The following INPP5F variants were observed in gnomAD, a reference collection of about 807,000 sequenced individuals.
The protein encoded by INPP5F is inositol polyphosphate-5-phosphatase F.
A neutral mutation model predicts 137.2 loss-of-function variants in INPP5F; 97 were observed. The ratio of observed to expected loss-of-function variants is 0.71; its 90% confidence interval spans 0.60 to 0.84. The LOEUF is 0.84. INPP5F is among the 40% of genes least tolerant of loss of function. The pLI, the probability that INPP5F is intolerant of heterozygous loss-of-function variation, is 0.00. For missense variants in INPP5F, 1,271 were observed against 1,371.9 expected (o/e 0.93, Z 1.16); for synonymous variants, 504 against 476.9 (o/e 1.06, Z -0.74).
intron 1 of INPP5F, among the ~76,000 whole-genome samples, chr10:119,726,883 A>G (rs977233550): frequency 1.3e-5 from 2 of 152,240 alleles, no homozygotes; most frequent in Non-Finnish European, 2.9e-5. Flanking sequence ...GTTACCTCAT[A>G]GGCACTCGGT....
intron 1 of INPP5F, among the ~76,000 whole-genome samples, chr10:119,744,965 C>G (rs1848488291): frequency 6.6e-6 from 1 of 150,794 alleles, no homozygotes; most frequent in Admixed American, 6.7e-5. Context: ...AGTCATTAGA[C>G]CACAACACAG....
intron 3 of INPP5F, among the ~76,000 whole-genome samples, chr10:119,789,230 A>G (rs1326431622): frequency 6.6e-6 from 1 of 152,018 alleles, no homozygotes; most frequent in South Asian, 2.1e-4. Flanking sequence ...TGTCTCAAAA[A>G]AAAAAAAAAA....
intron 15 of INPP5F, chr10:119,819,536 GCA>G (rs1314608844): frequency 6.2e-7 from 1 of 1,601,110 alleles, no homozygotes; most frequent in Non-Finnish European, 8.5e-7. Flanking sequence ...TTTTCAGAGT[GCA>G]CGTAAGTATC....
chr10:119,819,109 G>T (rs1851427190), intron 15 of INPP5F: 1 of 155,644 alleles, frequency 6.4e-6, no homozygotes, highest in Non-Finnish European at 1.4e-5. Context: ...GCTTGCCCCA[G>T]TGGCGGGAAA....
At chr10:119,744,831 C>A (rs1848482734) in intron 1 of INPP5F, among the ~76,000 whole-genome samples, 1 of 152,182 alleles carries the variant, frequency 6.6e-6, no homozygotes, top group Admixed American at 6.5e-5. Context: ...CAGGCATGAG[C>A]CACTGAGCCT....
intron 2 of INPP5F, among the ~76,000 whole-genome samples, chr10:119,775,817 A>G (rs941551525): frequency 2.6e-5 from 4 of 152,192 alleles, no homozygotes; most frequent in East Asian, 3.8e-4. Flanking sequence ...AAAAAATCCT[A>G]TCGGCCAGTT....
intron 2 of INPP5F, among the ~76,000 whole-genome samples, chr10:119,780,644 G>A (rs2134177250): frequency 6.6e-6 from 1 of 152,308 alleles, no homozygotes; most frequent in East Asian, 1.9e-4. Context: ...TCGGCCCTGT[G>A]TATCCATTGA....
chr10:119,726,289 C>T lies in INPP5F; in HGVS notation c.27C>T (p.His9=), dbSNP rs1337074486. 6.7e-7 allele frequency: 1 copy of T among 1,493,304 alleles called. No homozygotes were observed. The highest frequency in any genetic ancestry group is 8.9e-7 in the Non-Finnish European group (1 of 1,121,168). The allele number at this position is 1,493,304 out of a possible 1,614,324, so 92.5% of individuals were successfully genotyped here. The part of the protein sequence containing the change: MELFQAKD[H]YILQQGERAL... Reference sequence around the variant, plus strand: ...TGGAGCTCTTCCAAGCCAAGGACCACTACATCCTGCAGCAGGGCGAGCGCG... The same window carrying T: ...TGGAGCTCTTCCAAGCCAAGGACCATTACATCCTGCAGCAGGGCGAGCGCG... Residue 9 remains histidine (H), a synonymous_variant, in exon 1 of 20, where the codon CAC becomes CAT. Transcript: ENST00000650623.
Position 119,826,010 on chromosome 10 carries a change from T to A in INPP5F, c.2250-621T>A, listed in dbSNP as rs1695487069. ...TAATTGTTAAATGTCCCAAATCTTT[T>A]AAAATCAGGTAACCCACAGGACATA... On this transcript the variant is annotated intron_variant, in intron 19 of 19. Coordinates refer to ENST00000650623, the MANE Select transcript of INPP5F (RefSeq NM_014937.4). 5 of 398,400 alleles carry A rather than the reference T, an allele frequency of 1.3e-5. No individual in the cohort carries two copies. In the South Asian group the frequency reaches 6.4e-4, roughly 51 times the overall value. 24.7% of individuals were successfully genotyped at this position (398,400 alleles called of 1,614,324 possible).
At position 119,743,230 on chromosome 10, in the gene INPP5F, A is replaced by T. The variant is rs924950866; in HGVS notation, c.98-7846A>T. 3.3e-5 allele frequency among the ~76,000 whole-genome samples: 5 copies of T among 152,144 alleles called. No individual in the cohort carries two copies. The East Asian group carries it at 9.6e-4, about 29-fold the overall frequency. On this transcript the variant is annotated intron_variant, in intron 1 of 19. Transcript: ENST00000650623. Reference sequence around the variant, plus strand: ...TTAAGTAGTAAATCCTTCCAGCGTGATTCTGTGCAAATGATCTGATTTCAA... The same window carrying T: ...TTAAGTAGTAAATCCTTCCAGCGTGTTTCTGTGCAAATGATCTGATTTCAA...
chr10:119,738,221 T>C, intron 1 of INPP5F, among the ~76,000 whole-genome samples: 1 of 152,260 alleles, frequency 6.6e-6, no homozygotes, highest in South Asian at 2.1e-4. Flanking sequence ...TCACTAAAAT[T>C]TGGCATTATT....
chr10:119,752,414 G>C (rs914206780), intron 2 of INPP5F, among the ~76,000 whole-genome samples: 2 of 151,948 alleles, frequency 1.3e-5, no homozygotes, highest in African/African-American at 4.8e-5. Context: ...GAGAAACCCT[G>C]TCTCTACTAA....
At chr10:119,781,360 CAT>C (rs990008511) in intron 2 of INPP5F, among the ~76,000 whole-genome samples, 4 of 152,226 alleles carry the variant, frequency 2.6e-5, no homozygotes, top group Admixed American at 6.5e-5. Flanking sequence ...CTCGCCAGCA[CAT>C]GTGTTGTCAT....
intron 15 of INPP5F, chr10:119,819,135 GC>G (rs1851428589): frequency 6.3e-6 from 1 of 159,268 alleles, no homozygotes; most frequent in African/African-American, 2.4e-5. Flanking sequence ...AACGAATAGA[GC>G]AGCTTCTTCA....
At chr10:119,751,715 A>G (rs1274582310) in intron 2 of INPP5F, among the ~76,000 whole-genome samples, 1 of 152,228 alleles carries the variant, frequency 6.6e-6, no homozygotes, top group Non-Finnish European at 1.5e-5. Flanking sequence ...TATAACAGGT[A>G]TTATACAGGT....
intron 2 of INPP5F, among the ~76,000 whole-genome samples, chr10:119,769,333 A>G (rs1013097595): frequency 3.9e-5 from 6 of 152,234 alleles, no homozygotes; most frequent in African/African-American, 9.6e-5. Flanking sequence ...GTGTCTCACT[A>G]TGCTGCCCAG....
intron 10 of INPP5F, 104 bp from the exon 11 acceptor site, chr10:119,805,280 A>G: frequency 1.3e-6 from 1 of 788,734 alleles, no homozygotes; most frequent in Non-Finnish European, 2.1e-6. Context: ...TACAGCAACA[A>G]TTCTTTTTAA....
intron 17 of INPP5F, 120 bp downstream of exon 17, chr10:119,822,624 T>C: frequency 3.6e-6 from 2 of 560,498 alleles, no homozygotes; most frequent in South Asian, 5.1e-5. Context: ...TTCTTCACTA[T>C]TATTTTCCAT....
intron 1 of INPP5F, among the ~76,000 whole-genome samples, chr10:119,732,997 C>T (rs1848126050): frequency 6.6e-6 from 1 of 152,164 alleles, no homozygotes; most frequent in Non-Finnish European, 1.5e-5. Flanking sequence ...GGCTCTAACC[C>T]AGTGTTTGAC....
Sources: allele counts gnomAD v4.1 joint callset (sites outside exome capture counted in the v4.1 genomes callset), GRCh38; gene constraint gnomAD v4.1.1; transcripts MANE v1.5; gene names NCBI Gene and HGNC (gene_info 2026-07-23, HGNC 2026-07-21).